The following MSI2 variants were observed in gnomAD, a reference collection of about 807,000 sequenced individuals.
The protein encoded by MSI2 is RNA-binding protein Musashi homolog 2.
MSI2 carries 17 observed loss-of-function variants against 45.6 expected under a neutral mutation model. The observed-to-expected ratio is 0.37, with a 90% confidence interval of 0.26 to 0.56. MSI2 has a LOEUF of 0.56. MSI2 is among the 20% of genes least tolerant of loss of function. MSI2 has a pLI of 0.77. For synonymous variants in MSI2, 156 were observed against 158.2 expected (o/e 0.99, Z 0.11); for missense variants, 293 against 444.2 (o/e 0.66, Z 3.06).
chr17:57,693,672 A>G, the MSI2 span, among the ~76,000 whole-genome samples: 2 of 152,220 alleles, frequency 1.3e-5, no homozygotes, highest in Middle Eastern at 3.4e-3. Context: ...TAAGTTTCCT[A>G]TGTGATGGCT....
chr17:57,653,343 G>A (rs984043922), intron 11 of MSI2, among the ~76,000 whole-genome samples: 5 of 152,308 alleles, frequency 3.3e-5, no homozygotes, highest in Non-Finnish European at 5.9e-5. Flanking sequence ...AGGGGTTGCC[G>A]AGGGTCAGTT....
At chr17:57,667,720 C>G (rs1912471337) in intron 11 of MSI2, among the ~76,000 whole-genome samples, 1 of 152,206 alleles carries the variant, frequency 6.6e-6, no homozygotes, top group South Asian at 2.1e-4. Flanking sequence ...GTTTCTCTGG[C>G]CACAAGGCCA....
intron 5 of MSI2, among the ~76,000 whole-genome samples, chr17:57,398,000 T>A (rs879335965): frequency 6.6e-6 from 1 of 152,120 alleles, no homozygotes; most frequent in African/African-American, 2.4e-5. Context: ...CATCCTTTTT[T>A]AAAAAAAGGT....
intron 5 of MSI2, among the ~76,000 whole-genome samples, chr17:57,375,722 T>A (rs1327719876): frequency 2.0e-5 from 3 of 152,152 alleles, no homozygotes; most frequent in Non-Finnish European, 4.4e-5. Flanking sequence ...TGAACATATT[T>A]GGGGGACTCT....
intron 7 of MSI2, among the ~76,000 whole-genome samples, chr17:57,538,377 T>C (rs1343211346): frequency 6.6e-6 from 1 of 152,138 alleles, no homozygotes; most frequent in Admixed American, 6.5e-5. Context: ...CGCTATCCCA[T>C]CTGTATCTGT....
In MSI2 at chr17:57,515,157, A is replaced by C. The variant is rs142242371; in HGVS notation, c.406-14519A>C. ...GACAGGCCTAATGGCTCAAAATAGA[A>C]AGATTGGAAACCACTGGGTTTGATG... On this transcript the variant is annotated intron_variant, in intron 6 of 13. Transcript: ENST00000284073. 2.0e-5 allele frequency among the ~76,000 whole-genome samples: 3 copies of C among 152,366 alleles called. No homozygotes were observed. The East Asian group carries it at 5.8e-4, about 29-fold the overall frequency.
chr17:57,563,191 AT>A (rs201774957), intron 7 of MSI2, among the ~76,000 whole-genome samples: 1,992 of 150,612 alleles, frequency 0.013, 38 homozygotes, highest in African/African-American at 0.046. Context: ...GTCTAGCAGG[AT>A]TTTTTTTATA....
rs745559256 is a variant in MSI2, at chr17:57,679,762, GGTTTT to G, written c.*261_*265del. On this transcript the variant is annotated 3_prime_UTR_variant, in exon 14 of 14. Transcript: ENST00000284073. ...AAATGTGTATATAACCCATGATTTC[GGTTTT>G]GTTTTGTTTTGTTTTTCTTGATGGT... The G allele has an allele frequency of 3.0e-6, 1 of 330,536 alleles. No individual in the cohort carries two copies. Among genetic ancestry groups the G allele is most frequent in the Non-Finnish European group, 4.8e-6 (1 of 207,182 alleles). 20.5% of individuals were successfully genotyped at this position (330,536 alleles called of 1,614,324 possible). A position where few individuals can be genotyped will look rare whatever the true frequency, so the allele number is the denominator to read the frequency against.
At chr17:57,303,513 C>G (rs938027076) in intron 5 of MSI2, among the ~76,000 whole-genome samples, 3 of 152,140 alleles carry the variant, frequency 2.0e-5, no homozygotes, top group Non-Finnish European at 2.9e-5. Flanking sequence ...TGCTTATGGA[C>G]AAGGTCCAGG....
At chr17:57,276,338 A>G (rs1019184305) in intron 5 of MSI2, among the ~76,000 whole-genome samples, 1 of 152,186 alleles carries the variant, frequency 6.6e-6, no homozygotes, top group African/African-American at 2.4e-5. Flanking sequence ...AGAAAATTGG[A>G]GACTCCCCTC....
chr17:57,258,208 T>C, intron 3 of MSI2, 62 bp from the exon 4 acceptor site: 2 of 1,473,832 alleles, frequency 1.4e-6, no homozygotes, highest in Non-Finnish European at 1.9e-6. Flanking sequence ...GTCTCACTCC[T>C]GGTTGCTTTC....
chr17:57,491,185 G>A (rs2085865156), intron 6 of MSI2, among the ~76,000 whole-genome samples: 1 of 152,224 alleles, frequency 6.6e-6, no homozygotes, highest in South Asian at 2.1e-4. Context: ...GTAGAGGGGA[G>A]TTACCTGCTT....
At chr17:57,416,470 C>G (rs986026682) in intron 6 of MSI2, among the ~76,000 whole-genome samples, 5 of 152,196 alleles carry the variant, frequency 3.3e-5, no homozygotes, top group Non-Finnish European at 7.3e-5. Context: ...TAGGAAGCAG[C>G]CGCTGTAATT....
chr17:57,479,987 A>AT lies in MSI2; in HGVS notation c.406-49681dup, dbSNP rs1226784642. 3.3e-5 allele frequency among the ~76,000 whole-genome samples: 5 copies of AT among 152,028 alleles called. No individual in the cohort carries two copies. The East Asian group carries it at 7.7e-4, about 23-fold the overall frequency. On this transcript the variant is annotated intron_variant, in intron 6 of 13. Coordinates refer to ENST00000284073, the MANE Select transcript of MSI2 (RefSeq NM_138962.4). ...ATTACCAACTCATGAAGGTCCATTT[A>AT]TTTTTTTTGAGTCGGAGTCTTGCTC...
At chr17:57,604,983 T>C (rs1398542921) in intron 8 of MSI2, among the ~76,000 whole-genome samples, 3 of 151,136 alleles carry the variant, frequency 2.0e-5, no homozygotes, top group Non-Finnish European at 4.4e-5. Context: ...GCGGGTAATG[T>C]GGGTGGAATT....
intron 12 of MSI2, among the ~76,000 whole-genome samples, chr17:57,676,465 C>T (rs1290365329): frequency 6.6e-6 from 1 of 152,160 alleles, no homozygotes; most frequent in East Asian, 1.9e-4. Flanking sequence ...TTTAGGGGAC[C>T]GTCTATCACC....
At chr17:57,543,785 T>C (rs185025216) in intron 7 of MSI2, among the ~76,000 whole-genome samples, 82 of 152,348 alleles carry the variant, frequency 5.4e-4, no homozygotes, top group African/African-American at 2.0e-3. Flanking sequence ...CAAAAGAAGC[T>C]TTGTATTTTG....
chr17:57,348,050 A>G (rs1411287682), intron 5 of MSI2, among the ~76,000 whole-genome samples: 3 of 152,230 alleles, frequency 2.0e-5, no homozygotes, highest in African/African-American at 7.2e-5. Flanking sequence ...TCATCTGCTC[A>G]TGGATGCACA....
intron 5 of MSI2, among the ~76,000 whole-genome samples, chr17:57,314,140 T>A (rs969253527): frequency 3.3e-5 from 5 of 152,168 alleles, no homozygotes; most frequent in Non-Finnish European, 7.4e-5. Flanking sequence ...AGTGCCCATA[T>A]GCCATCCCTT....
Sources: allele counts gnomAD v4.1 joint callset (sites outside exome capture counted in the v4.1 genomes callset), GRCh38; gene constraint gnomAD v4.1.1; transcripts MANE v1.5; gene names NCBI Gene and HGNC (gene_info 2026-07-23, HGNC 2026-07-21).